Variants in WDFY4 observed in about 807,000 individuals in gnomAD.
WDFY4 encodes WDFY family member 4.
In WDFY4, 169 loss-of-function variants were observed where a neutral mutation model predicts 351.9. That is an observed-to-expected ratio of 0.48 (90% CI 0.42 to 0.55). WDFY4 has a LOEUF of 0.55. WDFY4 is among the 20% of genes least tolerant of loss of function. The probability of loss-of-function intolerance (pLI) is 0.00; values close to 1 mark genes in which losing one functional copy is unlikely to be tolerated. For missense variants in WDFY4, 3,803 were observed against 3,935.6 expected (o/e 0.97, Z 0.90); for synonymous variants, 1,622 against 1,574.6 (o/e 1.03, Z -0.71).
chr10:48,787,947 T>TCTTCTTCTTCTTCTTCTTCTTCTC (rs2066526575), intron 20 of WDFY4, among the ~76,000 whole-genome samples: 2 of 85,640 alleles, frequency 2.3e-5, no homozygotes, highest in South Asian at 9.4e-4. Context: ...TTCTTCTTCT[T>TCTTCTTCTTCTTCTTCTTCTTCTC]CTTCTTCTTC....
At chr10:48,783,316 G>T (rs1175134535) in intron 19 of WDFY4, among the ~76,000 whole-genome samples, 1 of 152,058 alleles carries the variant, frequency 6.6e-6, no homozygotes, top group Non-Finnish European at 1.5e-5. Context: ...TACATAAATA[G>T]TTGTCATACT....
intron 47 of WDFY4, among the ~76,000 whole-genome samples, chr10:48,908,207 C>A (rs1837722316): frequency 6.6e-6 from 1 of 152,220 alleles, no homozygotes; most frequent in African/African-American, 2.4e-5. Flanking sequence ...TTCCTTCCAA[C>A]TCTACCCAGC....
At chr10:48,747,332 G>T (rs961461278) in intron 12 of WDFY4, among the ~76,000 whole-genome samples, 10 of 152,048 alleles carry the variant, frequency 6.6e-5, no homozygotes, top group African/African-American at 2.2e-4. Context: ...ATATCTCAAT[G>T]TACATTATTT....
At position 48,788,799 on chromosome 10, in the gene WDFY4, T is replaced by A. The variant is rs2066582302; in HGVS notation, c.3954+124T>A. The A allele has an allele frequency of 4.7e-6, 6 of 1,265,184 alleles. No individual in the cohort carries two copies. The South Asian group carries it at 1.1e-4, about 22-fold the overall frequency. The allele number at this position is 1,265,184 out of a possible 1,614,324, so 78.4% of individuals were successfully genotyped here. ...TTGTGTAGATGGATACACAAATACA[T>A]GTTTCCCACTTCATTTGTTAAAATA... On this transcript the variant is annotated intron_variant, in intron 21 of 61. Transcript: ENST00000325239.
Position 48,891,326 on chromosome 10 carries a change from TG to T in WDFY4, c.7316+601del, listed in dbSNP as rs1405551088. 2.0e-5 allele frequency among the ~76,000 whole-genome samples: 3 copies of T among 152,208 alleles called. No individual in the cohort carries two copies. The East Asian group carries it at 5.8e-4, about 29-fold the overall frequency. On this transcript the variant is annotated intron_variant, in intron 44 of 61. Coordinates refer to ENST00000325239, the MANE Select transcript of WDFY4 (RefSeq NM_001394531.1). The stretch of plus-strand genomic sequence containing the variant: ...TACACAAGCAAATACAAGAGACCTT[TG>T]GCAGGAAATGCCAAGTTCTTTAGGA...
intron 39 of WDFY4, among the ~76,000 whole-genome samples, chr10:48,863,990 C>T (rs1292572521): frequency 2.0e-5 from 3 of 152,088 alleles, no homozygotes; most frequent in Non-Finnish European, 2.9e-5. Context: ...GGAAACCACA[C>T]CATGATTTAG....
rs1041754429 is a variant in WDFY4 at position 48,817,118 on chromosome 10, A to C, written c.5341-127A>C. ...ACACTAGTGTCTGGTGCTAATCTGC[A>C]GTCTTAAATAATGTATCTTGTTGAA... On this transcript the variant is annotated intron_variant, in intron 31 of 61. Transcript: ENST00000325239. The C allele has an allele frequency of 1.2e-5, 13 of 1,107,892 alleles. No individual in the cohort carries two copies. The African/African-American group carries it at 1.9e-4, about 16-fold the overall frequency. The allele number at this position is 1,107,892 out of a possible 1,614,324, so 68.6% of individuals were successfully genotyped here. A position where few individuals can be genotyped will look rare whatever the true frequency, so the allele number is the denominator to read the frequency against.
chr10:48,877,909 G>A (rs1458754424), intron 43 of WDFY4: 1 of 152,352 alleles, frequency 6.6e-6, no homozygotes, highest in Non-Finnish European at 1.5e-5. Context: ...TGCAATGGAA[G>A]ATGAAGCACA....
At chr10:48,697,729 C>G (rs879361616) in intron 1 of WDFY4, among the ~76,000 whole-genome samples, 1 of 152,170 alleles carries the variant, frequency 6.6e-6, no homozygotes, top group African/African-American at 2.4e-5. Context: ...TGGTTTACTG[C>G]CAGCCAGGAC....
In WDFY4 at chr10:48,943,858, G is replaced by C. The variant is rs150211097; in HGVS notation, c.7749+409G>C. On this transcript the variant is annotated intron_variant, in intron 49 of 61. Coordinates refer to ENST00000325239, the MANE Select transcript of WDFY4 (RefSeq NM_001394531.1). ...GATTCTCCCGCCTCGGCCTCCCAAA[G>C]TGCTGGGATTACAGGCATGAGCCAC... Among the ~76,000 whole-genome samples, 485 of 152,302 alleles carry C rather than the reference G, an allele frequency of 3.2e-3. 7 individuals carry two copies. Among genetic ancestry groups the C allele is most frequent in the African/African-American group, 0.011 (463 of 41,560 alleles).
At chr10:48,956,228 A>G (rs905734209) in intron 51 of WDFY4, among the ~76,000 whole-genome samples, 5 of 152,218 alleles carry the variant, frequency 3.3e-5, no homozygotes, top group African/African-American at 1.2e-4. Flanking sequence ...CTCGACAGCC[A>G]GGCCTGGGGC....
chr10:48,859,375 A>G (rs1398826496), intron 39 of WDFY4, among the ~76,000 whole-genome samples: 1 of 152,216 alleles, frequency 6.6e-6, no homozygotes, highest in African/African-American at 2.4e-5. Flanking sequence ...GCCCTTTATC[A>G]AGTTAAAAAC....
At chr10:48,787,879 T>TTTC (rs200606093) in intron 20 of WDFY4, among the ~76,000 whole-genome samples, 2 of 104,496 alleles carry the variant, frequency 1.9e-5, no homozygotes, top group Non-Finnish European at 3.5e-5. Context: ...TTCTTCTTTC[T>TTTC]TTCTTCTTCT....
intron 47 of WDFY4, among the ~76,000 whole-genome samples, chr10:48,935,612 G>GCTCTTT (rs1840309264): frequency 6.6e-6 from 1 of 152,148 alleles, no homozygotes; most frequent in Non-Finnish European, 1.5e-5. Flanking sequence ...GTTTTTGAGA[G>GCTCTTT]GGCTGTCTTT....
In WDFY4 at chr10:48,982,955, C is replaced by G. The variant is rs569240383; in HGVS notation, c.*380C>G. The G allele has an allele frequency of 2.1e-4, 74 of 350,268 alleles. 1 individual carries two copies. Among genetic ancestry groups the G allele is most frequent in the South Asian group, 1.6e-3 (71 of 45,550 alleles). 21.7% of individuals were successfully genotyped at this position (350,268 alleles called of 1,614,324 possible). A position where few individuals can be genotyped will look rare whatever the true frequency, so the allele number is the denominator to read the frequency against. Reference sequence around the variant, plus strand: ...TATTAAAGCAACTATGTTTTAAATGCAGAAGGGCTCTTCAGTTTTAAACTG... The same window carrying G: ...TATTAAAGCAACTATGTTTTAAATGGAGAAGGGCTCTTCAGTTTTAAACTG... On this transcript the variant is annotated 3_prime_UTR_variant, in exon 62 of 62. Transcript: ENST00000325239.
At chr10:48,901,015 G>A (rs1463976551) in intron 46 of WDFY4, among the ~76,000 whole-genome samples, 3 of 152,142 alleles carry the variant, frequency 2.0e-5, no homozygotes, top group Admixed American at 1.3e-4. Context: ...GGTGAGATTT[G>A]ATATCCCCTG....
At chr10:48,872,152 T>C (rs2069807411) in intron 40 of WDFY4, among the ~76,000 whole-genome samples, 1 of 152,198 alleles carries the variant, frequency 6.6e-6, no homozygotes, top group Non-Finnish European at 1.5e-5. Flanking sequence ...CATGCTTTCA[T>C]GGGAATGCCT....
intron 39 of WDFY4, among the ~76,000 whole-genome samples, chr10:48,843,859 C>T (rs2068686748): frequency 6.6e-6 from 1 of 152,168 alleles, no homozygotes. Context: ...TGAGGAAACA[C>T]ATTTTTGTGT....
At chr10:48,719,968 T>C in intron 2 of WDFY4, 43 bp from the exon 3 acceptor site, 1 of 1,526,432 alleles carries the variant, frequency 6.6e-7, no homozygotes, top group Non-Finnish European at 8.9e-7. Context: ...ATGCCCTGCT[T>C]GTGGCATTGC....
Sources: allele counts gnomAD v4.1 joint callset (sites outside exome capture counted in the v4.1 genomes callset), GRCh38; gene constraint gnomAD v4.1.1; transcripts MANE v1.5; gene names NCBI Gene and HGNC (gene_info 2026-07-23, HGNC 2026-07-21).